CFAP61: variants seen among roughly 807,000 people sequenced by gnomAD.
CFAP61 encodes cilia and flagella associated protein 61.
In CFAP61, 107 loss-of-function variants were observed where a neutral mutation model predicts 135.6. The observed-to-expected ratio is 0.79, with a 90% confidence interval of 0.67 to 0.93. The LOEUF (loss-of-function observed/expected upper bound fraction) is 0.93, where lower values mean the gene tolerates loss of function less well. Ranked by LOEUF, CFAP61 falls within the 40% of genes least tolerant of loss-of-function variation. CFAP61 has a pLI of 0.00. For missense variants in CFAP61, 1,507 were observed against 1,556.2 expected, an observed-to-expected ratio of 0.97 and a Z score of 0.53; for synonymous variants, 575 against 578.5, an observed-to-expected ratio of 0.99 and a Z score of 0.09.
intron 25 of CFAP61, among the ~76,000 whole-genome samples, chr20:20,316,224 G>A (rs1331561761): frequency 6.6e-6 from 1 of 152,096 alleles, no homozygotes; most frequent in East Asian, 1.9e-4. Context: ...TTGAGCAGTG[G>A]TTTGTAGTTC....
At chr20:20,140,258 A>G (rs1441316620) in intron 8 of CFAP61, among the ~76,000 whole-genome samples, 2 of 150,254 alleles carry the variant, frequency 1.3e-5, no homozygotes, top group Non-Finnish European at 2.9e-5. Context: ...TTTGTTACAT[A>G]TGTATACATA....
At chr20:20,111,009 C>G (rs973849982) in intron 8 of CFAP61, among the ~76,000 whole-genome samples, 2 of 152,050 alleles carry the variant, frequency 1.3e-5, no homozygotes, top group African/African-American at 2.4e-5. Flanking sequence ...TAGCAGGATT[C>G]AGTTTACAAA....
chr20:20,210,785 A>G (rs1265760328), intron 17 of CFAP61, among the ~76,000 whole-genome samples: 1 of 152,230 alleles, frequency 6.6e-6, no homozygotes, highest in African/African-American at 2.4e-5. Context: ...AGGCCTTTTT[A>G]TTAAAACTTT....
intron 18 of CFAP61, among the ~76,000 whole-genome samples, chr20:20,240,251 C>T (rs1878503646): frequency 6.6e-6 from 1 of 152,180 alleles, no homozygotes. Context: ...TGGTGGATAA[C>T]ATCACCCAGG....
chr20:20,229,653 T>A (rs917202097), intron 18 of CFAP61, among the ~76,000 whole-genome samples: 3 of 152,168 alleles, frequency 2.0e-5, no homozygotes, highest in Non-Finnish European at 1.5e-5. Context: ...TAATCCCAAG[T>A]GGTTATTTTG....
chr20:20,174,844 G>A (rs899843130), intron 13 of CFAP61, among the ~76,000 whole-genome samples: 1 of 152,236 alleles, frequency 6.6e-6, no homozygotes, highest in African/African-American at 2.4e-5. Context: ...GTGAGAGTGG[G>A]AGTGACCTTA....
intron 26 of CFAP61, among the ~76,000 whole-genome samples, chr20:20,349,393 G>A (rs1191473572): frequency 6.6e-6 from 1 of 152,144 alleles, no homozygotes; most frequent in Non-Finnish European, 1.5e-5. Flanking sequence ...AAAGAGAGAG[G>A]GAAGTGGTGC....
intron 25 of CFAP61, among the ~76,000 whole-genome samples, chr20:20,300,616 T>G (rs925438054): frequency 6.6e-6 from 1 of 151,840 alleles, no homozygotes; most frequent in African/African-American, 2.4e-5. Context: ...TGTTTTTTTT[T>G]TTTTTTGAGA....
intron 6 of CFAP61, among the ~76,000 whole-genome samples, chr20:20,086,583 C>G (rs1027863531): frequency 3.3e-5 from 5 of 151,914 alleles, no homozygotes; most frequent in Non-Finnish European, 5.9e-5. Context: ...CAGCATGGGA[C>G]CATAGGTTCA....
At position 20,262,981 on chromosome 20, in the gene CFAP61, T is replaced by C. The variant is rs1026887150; in HGVS notation, c.2354T>C (p.Ile785Thr). The C allele has an allele frequency of 1.2e-6, 2 of 1,613,794 alleles. No homozygotes were observed. The highest frequency in any genetic ancestry group is 1.7e-6 in the Non-Finnish European group (2 of 1,179,828). ...GTCCCATGCCCTACAGAGGCTGATA[T>C]TAGTCAACACCTGACAAACAGGGAG... ...YQVPCPTEAD[I>T]SQHLTNREVP... Residue 785 changes from isoleucine (I) to threonine (T), a missense_variant, in exon 21 of 27, where the codon ATT becomes ACT. By Grantham distance (89) the Ile-to-Thr change is moderately conservative. Coordinates refer to ENST00000245957, the MANE Select transcript of CFAP61 (RefSeq NM_015585.4).
intron 13 of CFAP61, among the ~76,000 whole-genome samples, chr20:20,182,715 G>GTAGAAGCAAT (rs113545843): frequency 0.9 from 136,865 of 151,810 alleles, 62,514 homozygotes; most frequent in Middle Eastern, 0.98. Context: ...CAATTGCTAT[G>GTAGAAGCAAT]TAGAAGCAAT....
chr20:20,103,677 A>G (rs2048181642), intron 8 of CFAP61, among the ~76,000 whole-genome samples: 1 of 152,242 alleles, frequency 6.6e-6, no homozygotes, highest in African/African-American at 2.4e-5. Context: ...ATTTTCCTTC[A>G]GTGACAATAA....
At chr20:20,267,098 G>A (rs1319400064) in intron 21 of CFAP61, among the ~76,000 whole-genome samples, 1 of 152,186 alleles carries the variant, frequency 6.6e-6, no homozygotes, top group East Asian at 1.9e-4. Flanking sequence ...AGCTATAGAG[G>A]CACTGTGGCC....
Position 20,212,114 on chromosome 20 carries a change from G to A in CFAP61, c.1932+12212G>A, listed in dbSNP as rs1019565982. On this transcript the variant is annotated intron_variant, in intron 17 of 26. Coordinates refer to ENST00000245957, the MANE Select transcript of CFAP61 (RefSeq NM_015585.4). The stretch of plus-strand genomic sequence containing the variant: ...CCCACACACTGGGTCTTTGGTCACC[G>A]TGTGTTGGTAGGACCGAGGCTGGCA... Among the ~76,000 whole-genome samples the A allele has an allele frequency of 3.9e-5, 6 of 152,282 alleles. No individual in the cohort carries two copies. The East Asian group carries it at 7.7e-4, about 20-fold the overall frequency.
chr20:20,066,489 G>A (rs7352834), intron 2 of CFAP61, among the ~76,000 whole-genome samples: 8,361 of 152,110 alleles, frequency 0.055, 273 homozygotes, highest in East Asian at 0.11. Flanking sequence ...ATGGAATACT[G>A]TGCAGCCATA....
intron 17 of CFAP61, among the ~76,000 whole-genome samples, chr20:20,215,694 GA>G (rs1433594187): frequency 1.3e-5 from 2 of 152,056 alleles, no homozygotes; most frequent in Non-Finnish European, 2.9e-5. Flanking sequence ...TTCTAGTTTT[GA>G]AAGGTTTTAA....
At chr20:20,118,274 TTTCTTTCTTTCTTTCTTTCTTTCTTTC>T (rs1388406552) in intron 8 of CFAP61, among the ~76,000 whole-genome samples, 2 of 135,238 alleles carry the variant, frequency 1.5e-5, no homozygotes, top group African/African-American at 2.6e-5. Flanking sequence ...TCTTTCTTTC[TTTCTTTCTTTCTTTCTTTCTTTCTTTC>T]TTTCTTTTCT....
intron 8 of CFAP61, among the ~76,000 whole-genome samples, chr20:20,120,367 T>C (rs180763931): frequency 6.6e-5 from 10 of 152,358 alleles, no homozygotes; most frequent in African/African-American, 1.9e-4. Context: ...AATTTTTAAA[T>C]TTCCATCTGA....
intron 25 of CFAP61, chr20:20,323,171 G>T (rs1011993954): frequency 2.0e-6 from 2 of 985,318 alleles, no homozygotes; most frequent in African/African-American, 3.5e-5. Flanking sequence ...GTTTGAGCCA[G>T]TATACCTTTA....
Sources: allele counts gnomAD v4.1 joint callset (sites outside exome capture counted in the v4.1 genomes callset), GRCh38; gene constraint gnomAD v4.1.1; transcripts MANE v1.5; gene names NCBI Gene and HGNC (gene_info 2026-07-23, HGNC 2026-07-21).